Variants in HOATZ observed in about 807,000 individuals in gnomAD.
HOATZ encodes the protein HOATZ cilia and flagella associated protein, also known as cilia- and flagella-associated protein HOATZ.
HOATZ carries 26 observed loss-of-function variants against 24.9 expected under a neutral mutation model. The ratio of observed to expected loss-of-function variants is 1.04; its 90% CI spans 0.76 to 1.45. The LOEUF (loss-of-function observed/expected upper bound fraction) is 1.45. Among genes scored for constraint, HOATZ ranks in the 40% most tolerant of loss-of-function variants. The pLI, the probability that HOATZ is intolerant of heterozygous loss-of-function variation, is 0.00. For missense variants in HOATZ, 226 were observed against 201.5 expected (o/e 1.12, Z -0.74); for synonymous variants, 83 against 76.6 (o/e 1.08, Z -0.43).
At chr11:111,524,903 C>T (rs918329354) in intron 3 of HOATZ, 7 of 446,280 alleles carry the variant, frequency 1.6e-5, no homozygotes, top group Non-Finnish European at 2.2e-5. Context: ...ACTCTGTCAC[C>T]CAGAATGAAG....
At chr11:111,520,160 A>G (rs1167563128) in intron 3 of HOATZ, among the ~76,000 whole-genome samples, 2 of 151,976 alleles carry the variant, frequency 1.3e-5, no homozygotes, top group Non-Finnish European at 2.9e-5. Flanking sequence ...GTCCTAAAGT[A>G]GTCTGAAAAT....
intron 3 of HOATZ, 86 bp downstream of exon 3, chr11:111,516,196 C>T: frequency 1.3e-6 from 1 of 787,010 alleles, no homozygotes; most frequent in Non-Finnish European, 2.0e-6. Context: ...ATTTAAAAAT[C>T]TGCTACTTCT....
In HOATZ at chr11:111,534,478, T is replaced by G. The variant is rs375225058; in HGVS notation, c.452+14T>G. 236 of 1,590,906 alleles carry G rather than the reference T, an allele frequency of 1.5e-4. No individual in the cohort carries two copies. Among genetic ancestry groups the G allele is most frequent in the Non-Finnish European group, 1.9e-4 (218 of 1,159,062 alleles). On this transcript the variant is annotated intron_variant, in intron 5 of 5. Transcript: ENST00000375618. ...ACACAAAGCAAAGTAAGTTTACCTA[T>G]GTCAAAAATATTCTCTCACCTTTCA...
At chr11:111,528,564 C>T (rs1386265112) in intron 3 of HOATZ, among the ~76,000 whole-genome samples, 5 of 152,180 alleles carry the variant, frequency 3.3e-5, no homozygotes, top group African/African-American at 1.2e-4. Context: ...TATAATTCAA[C>T]TATCTTTACC....
At chr11:111,524,566 A>G (rs1001573107) in intron 3 of HOATZ, among the ~76,000 whole-genome samples, 1 of 152,190 alleles carries the variant, frequency 6.6e-6, no homozygotes, top group Non-Finnish European at 1.5e-5. Flanking sequence ...GAACTTTGGT[A>G]CCAAAGAGAG....
chr11:111,522,305 C>T (rs1867278708), intron 3 of HOATZ, among the ~76,000 whole-genome samples: 1 of 152,164 alleles, frequency 6.6e-6, no homozygotes, highest in South Asian at 2.1e-4. Flanking sequence ...CAATTTGGTT[C>T]CAGTTACATG....
intron 3 of HOATZ, among the ~76,000 whole-genome samples, chr11:111,517,375 A>C (rs1486933059): frequency 6.6e-6 from 1 of 152,196 alleles, no homozygotes; most frequent in African/African-American, 2.4e-5. Context: ...TAAAAGGTTA[A>C]AGACAAACTA....
intron 3 of HOATZ, among the ~76,000 whole-genome samples, chr11:111,531,260 G>A (rs897126551): frequency 6.6e-6 from 1 of 151,720 alleles, no homozygotes; most frequent in African/African-American, 2.4e-5. Flanking sequence ...AATAACTGTG[G>A]ATTACACAGT....
chr11:111,533,011 T>G (rs917252975), intron 3 of HOATZ, among the ~76,000 whole-genome samples: 5 of 152,248 alleles, frequency 3.3e-5, no homozygotes, highest in Admixed American at 6.5e-5. Flanking sequence ...TTATAGTTTA[T>G]ATATTGATAA....
intron 3 of HOATZ, among the ~76,000 whole-genome samples, chr11:111,519,379 T>G (rs1867243686): frequency 6.6e-6 from 1 of 152,156 alleles, no homozygotes; most frequent in South Asian, 2.1e-4. Flanking sequence ...ATATTTCAAT[T>G]TTGTTTAGCT....
At chr11:111,525,146 C>A (rs1867322642) in intron 3 of HOATZ, among the ~76,000 whole-genome samples, 1 of 152,132 alleles carries the variant, frequency 6.6e-6, no homozygotes, top group Admixed American at 6.6e-5. Context: ...GCTGGGATTA[C>A]AGGCATGAGC....
chr11:111,535,177 G>A (rs1867437464), intron 5 of HOATZ: 1 of 152,136 alleles, frequency 6.6e-6, no homozygotes, highest in Non-Finnish European at 1.5e-5. Flanking sequence ...TGCCTTTAAT[G>A]CTGTCAAAGT....
In HOATZ at chr11:111,514,947, G is replaced by T. The variant is rs376121598; in HGVS notation, c.163G>T (p.Val55Leu). Residue 55 changes from valine (V) to leucine (L), a missense_variant, in exon 1 of 6, where the codon GTG becomes TTG. Physicochemically the swap from Val to Leu is conservative, Grantham distance 32. Coordinates refer to ENST00000375618, the MANE Select transcript of HOATZ (RefSeq NM_001100388.2). ...SMYPPSESQL[V>L]LRRDSSQRLP... ...GTATCCCCCTAGCGAATCTCAGCTGGTGCTGCGCAGAGACAGCAGTCAGCG... is the reference window on the plus strand; with the variant it reads ...GTATCCCCCTAGCGAATCTCAGCTGTTGCTGCGCAGAGACAGCAGTCAGCG... The T allele has an allele frequency of 1.4e-5, 23 of 1,613,858 alleles. No individual in the cohort carries two copies. In the African/African-American group the frequency reaches 2.9e-4, roughly 21 times the overall value.
chr11:111,534,552 C>A, intron 5 of HOATZ, 88 bp downstream of exon 5: 3 of 1,046,806 alleles, frequency 2.9e-6, no homozygotes, highest in South Asian at 1.3e-5. Flanking sequence ...GCCACTTACC[C>A]TTAAATCTTC....
intron 3 of HOATZ, among the ~76,000 whole-genome samples, chr11:111,527,476 G>T (rs537271140): frequency 6.6e-5 from 10 of 152,214 alleles, no homozygotes; most frequent in Non-Finnish European, 1.5e-4. Context: ...TCTTTTTCCT[G>T]CAAGTCAGCA....
intron 3 of HOATZ, 86 bp from the exon 4 acceptor site, chr11:111,533,660 A>G: frequency 2.2e-6 from 2 of 908,310 alleles, no homozygotes. Context: ...TGCCAATACA[A>G]GATGAAAATG....
chr11:111,520,093 T>C lies in HOATZ; in HGVS notation c.339+3983T>C, dbSNP rs148879581. 1.5e-3 allele frequency among the ~76,000 whole-genome samples: 235 copies of C among 152,326 alleles called. 2 individuals carry two copies. Among genetic ancestry groups the C allele is most frequent in the African/African-American group, 4.8e-3 (200 of 41,588 alleles). The stretch of plus-strand genomic sequence containing the variant: ...AGCCTGTCAAGATTAAATGGCTTGC[T>C]CTGTCCATAAAGGAAACCTCACAGC... On this transcript the variant is annotated intron_variant, in intron 3 of 5. Coordinates refer to ENST00000375618, the MANE Select transcript of HOATZ (RefSeq NM_001100388.2).
intron 2 of HOATZ, 22 bp from the exon 3 acceptor site, chr11:111,516,018 A>G: frequency 2.8e-6 from 4 of 1,439,198 alleles, no homozygotes; most frequent in Non-Finnish European, 3.8e-6. Context: ...TTTCAGATTG[A>G]ATTTGACTTT....
chr11:111,535,693 C>T (rs1187490537), intron 5 of HOATZ: 3 of 151,674 alleles, frequency 2.0e-5, no homozygotes, highest in African/African-American at 7.3e-5. Flanking sequence ...GAGTCTCGCT[C>T]TGTCACCTAG....
Sources: allele counts gnomAD v4.1 joint callset (sites outside exome capture counted in the v4.1 genomes callset), GRCh38; gene constraint gnomAD v4.1.1; transcripts MANE v1.5; gene names NCBI Gene and HGNC (gene_info 2026-07-23, HGNC 2026-07-21).